TXLNA: variants seen among roughly 807,000 people sequenced by gnomAD.
TXLNA encodes taxilin alpha, also known as alpha-taxilin.
Under a neutral mutation model 61.4 loss-of-function variants are expected in TXLNA, and 9 were observed. That is an observed-to-expected ratio of 0.15 (90% CI 0.09 to 0.26). The LOEUF is 0.26. Ranked by LOEUF, TXLNA falls within the 10% of genes least tolerant of loss-of-function variation. The pLI is 1.00. For synonymous variants in TXLNA, 257 were observed against 267.7 expected (o/e 0.96, Z 0.39); for missense variants, 565 against 688.8 (o/e 0.82, Z 2.01).
At chr1:32,193,395 T>C in intron 9 of TXLNA, 95 bp downstream of exon 9, 1 of 906,940 alleles carries the variant, frequency 1.1e-6, no homozygotes, top group Non-Finnish European at 1.8e-6. Flanking sequence ...ATCTGGGGTG[T>C]CTCAAGGGCA....
At chr1:32,183,304 TTAG>T (rs1642708111) in intron 3 of TXLNA, among the ~76,000 whole-genome samples, 1 of 148,580 alleles carries the variant, frequency 6.7e-6, no homozygotes, top group African/African-American at 2.5e-5. Context: ...TTGTATTTTT[TTAG>T]TAGTGACAGG....
intron 4 of TXLNA, among the ~76,000 whole-genome samples, chr1:32,185,020 A>G (rs1488759432): frequency 1.3e-5 from 2 of 152,066 alleles, no homozygotes; most frequent in African/African-American, 2.4e-5. Context: ...CATATTCCCC[A>G]TGACATTGAC....
intron 3 of TXLNA, among the ~76,000 whole-genome samples, chr1:32,183,356 C>T (rs2124136026): frequency 6.6e-6 from 1 of 150,668 alleles, no homozygotes; most frequent in Admixed American, 6.6e-5. Flanking sequence ...GATCTCCTGA[C>T]CTCATGATCC....
At chr1:32,191,055 C>G (rs1386999707) in intron 6 of TXLNA, among the ~76,000 whole-genome samples, 2 of 148,306 alleles carry the variant, frequency 1.3e-5, no homozygotes, top group Non-Finnish European at 3.0e-5. Context: ...GATTGTGCTA[C>G]TGCACTCTAG....
At position 32,189,460 on chromosome 1, in the gene TXLNA, A is replaced by G. The variant is rs528657110; in HGVS notation, c.769-595A>G. Among the ~76,000 whole-genome samples, 14 of 152,234 alleles carry G rather than the reference A, an allele frequency of 9.2e-5. No individual in the cohort carries two copies. The South Asian group carries it at 2.5e-3, about 27-fold the overall frequency. On this transcript the variant is annotated intron_variant, in intron 5 of 10. Coordinates refer to ENST00000373610, the MANE Select transcript of TXLNA (RefSeq NM_175852.4). ...TGCACATTAATCTGAAATCTGGAAG[A>G]ATAGGCCTTAGGAGATCCGACTTGC...
chr1:32,198,281 CCTTA>C (rs1319321398), exon 11 of TXLNA: 2 of 152,282 alleles, frequency 1.3e-5, no homozygotes, highest in Non-Finnish European at 2.9e-5. Context: ...GAGTCTGTTG[CCTTA>C]CTTGTTTCTC....
intron 5 of TXLNA, 26 bp from the exon 6 acceptor site, chr1:32,190,029 G>T (rs1393937750): frequency 6.5e-7 from 1 of 1,536,396 alleles, no homozygotes; most frequent in South Asian, 1.2e-5. Context: ...GTGGATGATG[G>T]CTCTCGGGCT....
Position 32,181,508 on chromosome 1 carries a change from C to T in TXLNA, c.436C>T (p.Arg146Trp). Residue 146 changes from arginine (R) to tryptophan (W), a missense_variant, in exon 3 of 11, where the codon CGG becomes TGG. Physicochemically the swap from Arg to Trp is moderately radical, Grantham distance 101. Transcript: ENST00000373610. The stretch of plus-strand genomic sequence containing the variant: ...GGGGGATCCAAACACAGAAGAGATC[C>T]GGCAGAGTGACGAGGTCGGAGACCG... ...SKGDPNTEEI[R>W]QSDEVGDRDH... 3.7e-6 allele frequency: 6 copies of T among 1,604,054 alleles called. No homozygotes were observed. Among genetic ancestry groups the T allele is most frequent in the Non-Finnish European group, 5.1e-6 (6 of 1,175,076 alleles).
Position 32,192,691 on chromosome 1 carries a change from G to A in TXLNA, c.1118G>A (p.Cys373Tyr), listed in dbSNP as rs770303457. Residue 373 changes from cysteine (C) to tyrosine (Y), a missense_variant, in exon 8 of 11, where the codon TGT (cysteine) becomes TAT (tyrosine). Physicochemically the swap from Cys to Tyr is radical, Grantham distance 194. Transcript: ENST00000373610. The surrounding 1 kb of genome is among the most constrained non-coding windows in gnomAD (Gnocchi z 4.2). The part of the protein sequence containing the change: ...LKEAVESQRM[C>Y]ELMKQQETHL... The stretch of plus-strand genomic sequence containing the variant: ...GAGGCAGTAGAGTCCCAGAGGATGT[G>A]TGAGCTGATGAAGCAGCAAGAGACC... 1 of 1,614,234 alleles carries A rather than the reference G, an allele frequency of 6.2e-7. No individual in the cohort carries two copies. Among genetic ancestry groups the A allele is most frequent in the Admixed American group, 1.7e-5 (1 of 60,030 alleles).
Position 32,180,509 on chromosome 1 carries a change from C to T in TXLNA, c.164C>T (p.Pro55Leu), listed in dbSNP as rs1289208586. ...GPGSSQAPRK[P>L]EGAQARTAQS... Reference sequence around the variant, plus strand: ...GGCAGCAGCCAGGCTCCTCGGAAGCCGGAGGGTGTGTGCCAGCTCTGCGTT... The same window carrying T: ...GGCAGCAGCCAGGCTCCTCGGAAGCTGGAGGGTGTGTGCCAGCTCTGCGTT... The change falls in exon 2 of 11, where the codon CCG (proline) becomes CTG (leucine). Residue 55 changes from proline (P) to leucine (L), a missense_variant. By Grantham distance (98) the Pro-to-Leu change is moderately conservative. Coordinates refer to ENST00000373610, the MANE Select transcript of TXLNA (RefSeq NM_175852.4). 3.1e-6 allele frequency: 5 copies of T among 1,599,888 alleles called. No homozygotes were observed. The highest frequency in any genetic ancestry group is 1.7e-5 in the Admixed American group (1 of 57,354).
chr1:32,181,923 A>T (rs1055423824), intron 3 of TXLNA, among the ~76,000 whole-genome samples: 1 of 152,218 alleles, frequency 6.6e-6, no homozygotes, highest in Non-Finnish European at 1.5e-5. Flanking sequence ...GTCTTAGTTT[A>T]TATTTCTCTT....
At chr1:32,194,537 T>G (rs570423851) in intron 10 of TXLNA, among the ~76,000 whole-genome samples, 73 of 151,544 alleles carry the variant, frequency 4.8e-4, no homozygotes, top group African/African-American at 1.7e-3. Flanking sequence ...AGTTTTTGGG[T>G]TTTTTTTGTC....
At chr1:32,183,249 G>A (rs951058373) in intron 3 of TXLNA, among the ~76,000 whole-genome samples, 3 of 148,994 alleles carry the variant, frequency 2.0e-5, no homozygotes, top group African/African-American at 4.9e-5. Context: ...TCAGCCTCCC[G>A]AGTAGCTGGG....
At chr1:32,189,552 T>G (rs561582905) in intron 5 of TXLNA, among the ~76,000 whole-genome samples, 35 of 151,826 alleles carry the variant, frequency 2.3e-4, no homozygotes, top group African/African-American at 6.3e-4. Flanking sequence ...TTTTTTTTTT[T>G]TTGGGGACGG....
intron 1 of TXLNA, 86 bp downstream of exon 1, chr1:32,179,862 T>C (rs1270551478): frequency 6.6e-6 from 1 of 152,030 alleles, no homozygotes; most frequent in African/African-American, 2.4e-5. Flanking sequence ...TCACGCCAAC[T>C]CCCCGCGTGG....
chr1:32,183,488 G>A (rs1438900074), intron 3 of TXLNA, among the ~76,000 whole-genome samples: 2 of 123,812 alleles, frequency 1.6e-5, no homozygotes, highest in Non-Finnish European at 3.3e-5. Context: ...GTGCAGTGGC[G>A]CGATCTCGGC....
chr1:32,188,743 TAAGGTG>T (rs1642842630), intron 5 of TXLNA, among the ~76,000 whole-genome samples: 1 of 152,068 alleles, frequency 6.6e-6, no homozygotes, highest in Admixed American at 6.5e-5. Flanking sequence ...ATGTATTAGA[TAAGGTG>T]AAGGATAAAG....
chr1:32,193,315 G>C lies in TXLNA; in HGVS notation c.1251+15G>C, dbSNP rs771107644. ...AGATGGAAAAGGTAACTGTGGTCCA[G>C]GCCAGGCATGGCTGCTGGGGCATAA... On this transcript the variant is annotated intron_variant, in intron 9 of 10. Transcript: ENST00000373610. The C allele has an allele frequency of 6.3e-6, 10 of 1,581,684 alleles. No homozygotes were observed. In the East Asian group the frequency reaches 2.2e-4, roughly 35 times the overall value.
intron 3 of TXLNA, among the ~76,000 whole-genome samples, chr1:32,183,988 CG>C (rs1384440722): frequency 6.6e-6 from 1 of 151,966 alleles, no homozygotes; most frequent in Non-Finnish European, 1.5e-5. Flanking sequence ...CCGCCTGCCT[CG>C]GCCTCCCAAA....
Sources: gnomAD v4.1 joint callset for allele counts (sites outside exome capture counted in the v4.1 genomes callset) on GRCh38, gnomAD v4.1.1 for gene constraint, Gnocchi (gnomAD v3.1) non-coding constraint, MANE v1.5 for transcripts, NCBI Gene and HGNC (gene_info 2026-07-23, HGNC 2026-07-21) for gene names.